WWOX: variants seen among roughly 807,000 people sequenced by gnomAD.
WWOX encodes the protein WW domain containing oxidoreductase, also known as WW domain-containing oxidoreductase.
WWOX carries 69 observed loss-of-function variants against 46.2 expected under a neutral mutation model. The ratio of observed to expected loss-of-function variants is 1.49; its 90% confidence interval spans 1.23 to 1.82. The LOEUF is 1.82. Among genes scored for constraint, WWOX ranks in the 40% most tolerant of loss-of-function variants. WWOX has a pLI of 0.00. For missense variants in WWOX, 919 were observed against 542.6 expected (o/e 1.69, Z -6.89); for synonymous variants, 359 against 202.6 (o/e 1.77, Z -6.56).
intron 8 of WWOX, among the ~76,000 whole-genome samples, chr16:78,557,712 TGA>T (rs1191532187): frequency 1.3e-4 from 18 of 138,740 alleles, no homozygotes; most frequent in African/African-American, 3.5e-4. Flanking sequence ...TTTTTTTTTT[TGA>T]GACAGGAGTC....
At chr16:78,380,685 C>G (rs979013827) in intron 5 of WWOX, among the ~76,000 whole-genome samples, 2 of 152,118 alleles carry the variant, frequency 1.3e-5, no homozygotes, top group African/African-American at 2.4e-5. Context: ...ATGTTCTGCT[C>G]CAACTGCTTT....
intron 5 of WWOX, among the ~76,000 whole-genome samples, chr16:78,211,396 G>C (rs115098048): frequency 2.6e-5 from 4 of 152,228 alleles, no homozygotes; most frequent in African/African-American, 9.6e-5. Context: ...ACTGTGTGCT[G>C]AGCACTGATC....
At chr16:78,651,455 C>T (rs1301890506) in intron 8 of WWOX, among the ~76,000 whole-genome samples, 1 of 152,230 alleles carries the variant, frequency 6.6e-6, no homozygotes, top group Non-Finnish European at 1.5e-5. Flanking sequence ...AGAAGCCATG[C>T]AGGTCCCTGG....
intron 8 of WWOX, among the ~76,000 whole-genome samples, chr16:78,760,960 T>C (rs748460946): frequency 3.3e-5 from 5 of 152,116 alleles, no homozygotes; most frequent in Non-Finnish European, 7.4e-5. Flanking sequence ...CGCTTTATAA[T>C]ACCATCAGAT....
chr16:78,914,212 G>C (rs915988634), intron 8 of WWOX, among the ~76,000 whole-genome samples: 8 of 151,936 alleles, frequency 5.3e-5, no homozygotes, highest in African/African-American at 1.4e-4. Context: ...ATCACTATCT[G>C]ATATTTTCTG....
At chr16:78,165,056 T>G (rs2034926874) in intron 5 of WWOX, among the ~76,000 whole-genome samples, 1 of 152,146 alleles carries the variant, frequency 6.6e-6, no homozygotes, top group Non-Finnish European at 1.5e-5. Flanking sequence ...CCTGGAGATT[T>G]CAAGGATCAT....
At chr16:79,093,715 A>T (rs1235026837) in intron 8 of WWOX, among the ~76,000 whole-genome samples, 1 of 152,224 alleles carries the variant, frequency 6.6e-6, no homozygotes, top group Non-Finnish European at 1.5e-5. Context: ...AACTTGAATG[A>T]ACATCAAAAG....
chr16:79,037,376 A>G (rs1478661932), intron 8 of WWOX, among the ~76,000 whole-genome samples: 1 of 152,140 alleles, frequency 6.6e-6, no homozygotes, highest in East Asian at 1.9e-4. Context: ...TCCTAGGGTC[A>G]GTTGATTGAG....
intron 8 of WWOX, among the ~76,000 whole-genome samples, chr16:79,041,664 A>G (rs1040928214): frequency 3.3e-5 from 5 of 152,120 alleles, no homozygotes; most frequent in African/African-American, 1.2e-4. Flanking sequence ...CCACCTCAGA[A>G]AGACAGAAGC....
At chr16:78,773,914 AAC>A (rs997534624) in intron 8 of WWOX, among the ~76,000 whole-genome samples, 52 of 152,292 alleles carry the variant, frequency 3.4e-4, no homozygotes, top group African/African-American at 1.2e-3. Context: ...ATTGGAATTT[AAC>A]ACAGTTTTCC....
chr16:78,355,811 G>C (rs7199350), intron 5 of WWOX: 102,176 of 699,380 alleles, frequency 0.15, 11,665 homozygotes, highest in African/African-American at 0.43. Flanking sequence ...TTTCCTGGTT[G>C]CCCCTCCACT....
rs190670361 is a variant in WWOX at position 78,940,528 on chromosome 16, G to A, written c.1057-271080G>A. The stretch of plus-strand genomic sequence containing the variant: ...GTCACATTTTTACATCATTTCCATC[G>A]ACATCCCGTGTTCCATCTGCTTCTT... On this transcript the variant is annotated intron_variant, in intron 8 of 8. Coordinates refer to ENST00000566780, the MANE Select transcript of WWOX (RefSeq NM_016373.4). 4.4e-4 allele frequency among the ~76,000 whole-genome samples: 67 copies of A among 152,158 alleles called. No individual in the cohort carries two copies. In the Middle Eastern group the frequency reaches 0.01, roughly 23 times the overall value.
chr16:78,677,238 G>T (rs150774256), intron 8 of WWOX, among the ~76,000 whole-genome samples: 1 of 152,096 alleles, frequency 6.6e-6, no homozygotes, highest in Non-Finnish European at 1.5e-5. Context: ...CGGCCTCAGG[G>T]TATAGGGGTC....
At chr16:78,569,190 C>T (rs1222607007) in intron 8 of WWOX, among the ~76,000 whole-genome samples, 2 of 152,156 alleles carry the variant, frequency 1.3e-5, no homozygotes, top group African/African-American at 2.4e-5. Context: ...CTTTCTGTAG[C>T]AAAGATGTAC....
chr16:78,585,777 G>A (rs1377616792), intron 8 of WWOX, among the ~76,000 whole-genome samples: 1 of 151,332 alleles, frequency 6.6e-6, no homozygotes, highest in Admixed American at 6.6e-5. Flanking sequence ...GCAACCCCAA[G>A]GCAGGGGGCA....
At chr16:78,670,352 G>A (rs190923909) in intron 8 of WWOX, among the ~76,000 whole-genome samples, 6 of 152,182 alleles carry the variant, frequency 3.9e-5, no homozygotes, top group Non-Finnish European at 7.3e-5. Context: ...GCTCCCCAGT[G>A]ACCCTGGTTC....
chr16:79,136,329 C>T (rs1441542963), intron 8 of WWOX, among the ~76,000 whole-genome samples: 2 of 151,826 alleles, frequency 1.3e-5, no homozygotes, highest in Non-Finnish European at 2.9e-5. Context: ...CTCCCTGGTT[C>T]AAGCGATTCT....
At chr16:79,208,288 C>G (rs1377560639) in intron 8 of WWOX, among the ~76,000 whole-genome samples, 1 of 152,102 alleles carries the variant, frequency 6.6e-6, no homozygotes, top group Non-Finnish European at 1.5e-5. Flanking sequence ...AACAACCTAA[C>G]TCATTGCCAT....
At chr16:79,175,967 C>T in intron 8 of WWOX, among the ~76,000 whole-genome samples, 1 of 152,168 alleles carries the variant, frequency 6.6e-6, no homozygotes, top group East Asian at 1.9e-4. Flanking sequence ...CTGTCAAATT[C>T]CTTAGCTTCA....
Sources: gnomAD v4.1 joint callset for allele counts (sites outside exome capture counted in the v4.1 genomes callset) on GRCh38, gnomAD v4.1.1 for gene constraint, MANE v1.5 for transcripts, NCBI Gene and HGNC (gene_info 2026-07-23, HGNC 2026-07-21) for gene names.